Variants in CCDC7 observed in about 807,000 individuals in gnomAD.
The protein encoded by CCDC7 is coiled-coil domain-containing protein 7.
In CCDC7, 183 loss-of-function variants were observed where a neutral mutation model predicts 196.9. The observed-to-expected ratio is 0.93, with a 90% CI of 0.82 to 1.05. The LOEUF (loss-of-function observed/expected upper bound fraction) is 1.05. Among genes scored for constraint, CCDC7 ranks in the 50% least tolerant of loss-of-function variants. The pLI, the probability that CCDC7 is intolerant of heterozygous loss-of-function variation, is 0.00. For synonymous variants in CCDC7, 525 were observed against 484.6 expected (o/e 1.08, Z -1.10); for missense variants, 1,540 against 1,482.2 (o/e 1.04, Z -0.64).
intron 29 of CCDC7, among the ~76,000 whole-genome samples, chr10:32,786,341 A>G (rs1377335049): frequency 6.6e-6 from 1 of 152,238 alleles, no homozygotes; most frequent in African/African-American, 2.4e-5. Flanking sequence ...AACAACTTTC[A>G]ATAGAAAAAA....
intron 18 of CCDC7, among the ~76,000 whole-genome samples, chr10:32,593,561 C>A (rs1376068622): frequency 6.6e-6 from 1 of 152,158 alleles, no homozygotes; most frequent in African/African-American, 2.4e-5. Context: ...AATTAGATCC[C>A]ATTTGTCAAT....
chr10:32,580,832 C>T (rs1247513452), intron 16 of CCDC7, among the ~76,000 whole-genome samples: 18 of 147,976 alleles, frequency 1.2e-4, no homozygotes, highest in Non-Finnish European at 2.4e-4. Context: ...AAGGAAAGTT[C>T]CGGAAAAAGA....
intron 18 of CCDC7, among the ~76,000 whole-genome samples, chr10:32,628,395 T>G (rs1046849182): frequency 6.6e-6 from 1 of 151,922 alleles, no homozygotes; most frequent in South Asian, 2.1e-4. Context: ...TTTATTTGAG[T>G]CTTTTTGAAA....
At chr10:32,874,184 T>C (rs2094524563) in intron 41 of CCDC7, among the ~76,000 whole-genome samples, 1 of 148,828 alleles carries the variant, frequency 6.7e-6, no homozygotes. Context: ...TATAAAGATA[T>C]ATAAATATAT....
chr10:32,718,041 C>A (rs1293638322), intron 25 of CCDC7, among the ~76,000 whole-genome samples: 1 of 152,152 alleles, frequency 6.6e-6, no homozygotes, highest in African/African-American at 2.4e-5. Context: ...ATGAGACCAG[C>A]AGCATCCTGA....
At chr10:32,511,786 C>T (rs11592015) in intron 9 of CCDC7, 606,323 of 1,366,442 alleles carry the variant, frequency 0.44, 144,779 homozygotes, top group Non-Finnish European at 0.5. Flanking sequence ...GGAAAGCGGT[C>T]GGGCAACGAT....
At chr10:32,814,482 A>G (rs765029553) in intron 31 of CCDC7, 29 bp downstream of exon 32, 1 of 1,485,224 alleles carries the variant, frequency 6.7e-7, no homozygotes, top group Non-Finnish European at 9.4e-7. Context: ...CACATTTAGT[A>G]TTTCTGGTTA....
chr10:32,866,888 G>T (rs2504005), intron 41 of CCDC7, among the ~76,000 whole-genome samples: 52,032 of 151,310 alleles, frequency 0.34, 11,287 homozygotes, highest in Non-Finnish European at 0.49. Flanking sequence ...GATCAAAATT[G>T]CCATCACAAT....
rs1564671489 is a variant in CCDC7, at chr10:32,565,532, C to G, written c.1135-26C>G. 5 of 1,598,840 alleles carry G rather than the reference C, an allele frequency of 3.1e-6. No homozygotes were observed. In the South Asian group the frequency reaches 5.6e-5, roughly 18 times the overall value. ...TAATTAAAAATACCAAAGTAAATAC[C>G]TTTTTTCCCCCTTCTTACTTCCTAG... On this transcript the variant is annotated intron_variant, in intron 13 of 41. Transcript: ENST00000639629.
intron 18 of CCDC7, among the ~76,000 whole-genome samples, chr10:32,605,823 T>G (rs1219027622): frequency 6.6e-6 from 1 of 150,696 alleles, no homozygotes; most frequent in Non-Finnish European, 1.5e-5. Context: ...ATTTGGAAAA[T>G]TTATAACCTG....
chr10:32,637,532 A>G (rs1005402644), intron 20 of CCDC7, among the ~76,000 whole-genome samples: 4 of 152,148 alleles, frequency 2.6e-5, no homozygotes, highest in African/African-American at 7.2e-5. Flanking sequence ...CAAAGATCAG[A>G]TAGTTGTAGA....
At chr10:32,583,086 A>C in exon 17 of CCDC7, 1 of 1,231,368 alleles carries the variant, frequency 8.1e-7, no homozygotes, top group Non-Finnish European at 1.0e-6. Flanking sequence ...ACAGATCCTT[A>C]AGTCTCAAGA....
chr10:32,759,984 A>T (rs1214652839), intron 28 of CCDC7, among the ~76,000 whole-genome samples: 1 of 152,156 alleles, frequency 6.6e-6, no homozygotes, highest in African/African-American at 2.4e-5. Context: ...GCCAAAAAAC[A>T]CATGAAAAAA....
intron 29 of CCDC7, among the ~76,000 whole-genome samples, chr10:32,793,457 TG>T (rs1168925098): frequency 2.0e-5 from 3 of 152,206 alleles, no homozygotes; most frequent in African/African-American, 4.8e-5. Context: ...ATATTAGTCA[TG>T]TTTTTTTCTC....
chr10:32,815,966 G>T (rs976350049), intron 31 of CCDC7, among the ~76,000 whole-genome samples: 1 of 152,218 alleles, frequency 6.6e-6, no homozygotes, highest in Non-Finnish European at 1.5e-5. Context: ...GAGGTACCGG[G>T]TTCATCTCAC....
chr10:32,730,945 T>A (rs1241715359), intron 28 of CCDC7, among the ~76,000 whole-genome samples: 2 of 152,114 alleles, frequency 1.3e-5, no homozygotes, highest in African/African-American at 4.8e-5. Flanking sequence ...TCTGCTACAA[T>A]GTTACAGACA....
intron 3 of CCDC7, among the ~76,000 whole-genome samples, chr10:32,458,482 CTT>C (rs368681727): frequency 7.5e-6 from 1 of 132,810 alleles, no homozygotes; most frequent in Non-Finnish European, 1.6e-5. Flanking sequence ...TGTGTGTGTG[CTT>C]TTTTTTTTTT....
chr10:32,667,586 T>C (rs1353251603), intron 21 of CCDC7, among the ~76,000 whole-genome samples: 2 of 152,204 alleles, frequency 1.3e-5, no homozygotes, highest in African/African-American at 2.4e-5. Flanking sequence ...TTTCTACATA[T>C]GGCTAGCCAG....
At chr10:32,579,495 A>G (rs1417991204) in intron 16 of CCDC7, among the ~76,000 whole-genome samples, 1 of 152,154 alleles carries the variant, frequency 6.6e-6, no homozygotes, top group Non-Finnish European at 1.5e-5. Flanking sequence ...TGAGAAAGAA[A>G]CAGCAAACAG....
Sources: gnomAD v4.1 joint callset for allele counts (sites outside exome capture counted in the v4.1 genomes callset) on GRCh38, gnomAD v4.1.1 for gene constraint, MANE v1.5 for transcripts, NCBI Gene and HGNC (gene_info 2026-07-23, HGNC 2026-07-21) for gene names.